DNAH14: variants seen among roughly 807,000 people sequenced by gnomAD.
DNAH14 encodes the protein dynein axonemal heavy chain 14.
Under a neutral mutation model 520.9 loss-of-function variants are expected in DNAH14, and 478 were observed. The ratio of observed to expected loss-of-function variants is 0.92; its 90% CI spans 0.85 to 0.99. DNAH14 has a LOEUF of 0.99. DNAH14 is among the 50% of genes least tolerant of loss of function. The pLI is 0.00. For missense variants in DNAH14, 4,831 were observed against 5,234.5 expected (o/e 0.92, Z 2.38); for synonymous variants, 1,581 against 1,757.2 (o/e 0.90, Z 2.51).
At chr1:225,321,002 G>T (rs773055857) in intron 61 of DNAH14, among the ~76,000 whole-genome samples, 2 of 152,066 alleles carry the variant, frequency 1.3e-5, no homozygotes, top group Non-Finnish European at 2.9e-5. Context: ...TTGAGGAAAG[G>T]TTCCTTACTG....
chr1:225,270,945 A>C, intron 50 of DNAH14, 79 bp downstream of exon 50: 1 of 1,372,336 alleles, frequency 7.3e-7, no homozygotes, highest in Non-Finnish European at 9.9e-7. Context: ...TAAATCCACT[A>C]ATATTGAAAG....
At chr1:225,173,561 T>A (rs2082953142) in intron 36 of DNAH14, among the ~76,000 whole-genome samples, 1 of 152,190 alleles carries the variant, frequency 6.6e-6, no homozygotes, top group African/African-American at 2.4e-5. Flanking sequence ...CACAATGAGA[T>A]ACCATTTCAC....
At chr1:225,142,880 T>C (rs2079577858) in intron 28 of DNAH14, among the ~76,000 whole-genome samples, 1 of 152,152 alleles carries the variant, frequency 6.6e-6, no homozygotes, top group African/African-American at 2.4e-5. Flanking sequence ...GAGCTGAGAT[T>C]GTGCCACTGC....
chr1:224,979,136 G>A (rs146530364), intron 8 of DNAH14, among the ~76,000 whole-genome samples: 1 of 152,234 alleles, frequency 6.6e-6, no homozygotes, highest in East Asian at 1.9e-4. Flanking sequence ...AACACCAAAT[G>A]TTCCTTCATA....
intron 35 of DNAH14, among the ~76,000 whole-genome samples, chr1:225,160,774 A>G (rs1426763048): frequency 6.6e-6 from 1 of 151,864 alleles, no homozygotes; most frequent in Non-Finnish European, 1.5e-5. Context: ...CCTTGATTGC[A>G]TTGTCTGTTT....
In DNAH14 at chr1:225,351,631, T is replaced by G; in HGVS notation, c.11297-16T>G. On this transcript the variant is annotated splice_polypyrimidine_tract_variant and intron_variant, in intron 71 of 85. Transcript: ENST00000682510. ...GTTTATCTCTTCTAATGTGATCATC[T>G]TTCTTTTTTTATCAGGCACATTTGA... 6.5e-7 allele frequency: 1 copy of G among 1,527,650 alleles called. No individual in the cohort carries two copies. Among genetic ancestry groups the G allele is most frequent in the Non-Finnish European group, 8.8e-7 (1 of 1,132,546 alleles). 94.6% of individuals were successfully genotyped at this position (1,527,650 alleles called of 1,614,324 possible).
At chr1:225,249,102 GA>G (rs1253409823) in intron 43 of DNAH14, among the ~76,000 whole-genome samples, 1 of 152,170 alleles carries the variant, frequency 6.6e-6, no homozygotes, top group African/African-American at 2.4e-5. Flanking sequence ...GCCCCTCGTA[GA>G]GCCAATCCTC....
chr1:225,214,049 A>G (rs1359301405), intron 41 of DNAH14, among the ~76,000 whole-genome samples: 10 of 152,188 alleles, frequency 6.6e-5, no homozygotes, highest in Admixed American at 2.6e-4. Flanking sequence ...TGGGTTTGTC[A>G]TAAATAACTC....
intron 42 of DNAH14, among the ~76,000 whole-genome samples, chr1:225,239,347 G>T (rs541309025): frequency 2.0e-5 from 3 of 152,098 alleles, no homozygotes; most frequent in African/African-American, 7.2e-5. Context: ...TGATCTGTGG[G>T]TTGCAAAGAT....
chr1:224,978,675 C>T (rs779123488), intron 8 of DNAH14, among the ~76,000 whole-genome samples: 1 of 152,202 alleles, frequency 6.6e-6, no homozygotes, highest in African/African-American at 2.4e-5. Context: ...GAGTCTCACT[C>T]TTGCCCAGGC....
At chr1:225,381,849 G>T (rs545819949) in intron 81 of DNAH14, among the ~76,000 whole-genome samples, 1 of 152,270 alleles carries the variant, frequency 6.6e-6, no homozygotes, top group South Asian at 2.1e-4. Flanking sequence ...TGCACTCTTG[G>T]TATTACTATA....
At chr1:225,137,336 ATGT>A (rs374305176) in intron 27 of DNAH14, among the ~76,000 whole-genome samples, 29 of 150,334 alleles carry the variant, frequency 1.9e-4, no homozygotes, top group African/African-American at 6.1e-4. Context: ...TTTTTTGTTG[ATGT>A]TGTTGTTGTT....
At chr1:225,292,735 G>T (rs1006067510) in intron 55 of DNAH14, among the ~76,000 whole-genome samples, 1 of 152,030 alleles carries the variant, frequency 6.6e-6, no homozygotes, top group Non-Finnish European at 1.5e-5. Context: ...ATGAACATGG[G>T]ATGTCTTTCC....
At chr1:225,202,552 A>G (rs1333294340) in intron 38 of DNAH14, among the ~76,000 whole-genome samples, 1 of 152,120 alleles carries the variant, frequency 6.6e-6, no homozygotes, top group Non-Finnish European at 1.5e-5. Context: ...TCCCCGCAAT[A>G]GCACCGGGTC....
intron 64 of DNAH14, among the ~76,000 whole-genome samples, chr1:225,326,111 C>T (rs1200955200): frequency 6.6e-6 from 1 of 152,168 alleles, no homozygotes; most frequent in South Asian, 2.1e-4. Context: ...TTAGCACTTA[C>T]TGTGTTCCAA....
At chr1:225,211,545 G>A (rs948135796) in intron 41 of DNAH14, among the ~76,000 whole-genome samples, 10 of 152,136 alleles carry the variant, frequency 6.6e-5, no homozygotes, top group African/African-American at 2.2e-4. Flanking sequence ...TGAAAGTGGT[G>A]GGGAGAATAG....
rs1208544141 is a variant in DNAH14 at position 225,270,883 on chromosome 1, AT to A, written c.7671+21del. On this transcript the variant is annotated intron_variant, in intron 50 of 85. Transcript: ENST00000682510. Reference sequence around the variant, plus strand: ...ATTTTCCAGGTAACACATCTAGTTCATTTTCTACTGAAAAAAATTAATTCCC... The same window carrying A: ...ATTTTCCAGGTAACACATCTAGTTCATTTCTACTGAAAAAAATTAATTCCC... The A allele has an allele frequency of 6.5e-7, 1 of 1,541,942 alleles. No individual in the cohort carries two copies. The highest frequency in any genetic ancestry group is 8.8e-7 in the Non-Finnish European group (1 of 1,141,422).
intron 17 of DNAH14, among the ~76,000 whole-genome samples, chr1:225,076,656 T>G (rs1337866959): frequency 6.6e-6 from 1 of 152,180 alleles, no homozygotes; most frequent in African/African-American, 2.4e-5. Context: ...TCCAGAAGGT[T>G]GTTTCTGAGC....
chr1:225,207,866 G>A (rs534047198), intron 41 of DNAH14, among the ~76,000 whole-genome samples: 2 of 152,208 alleles, frequency 1.3e-5, no homozygotes, highest in South Asian at 2.1e-4. Flanking sequence ...AACCCTGGAC[G>A]CCATGAATAG....
Sources: gnomAD v4.1 joint callset for allele counts (sites outside exome capture counted in the v4.1 genomes callset) on GRCh38, gnomAD v4.1.1 for gene constraint, MANE v1.5 for transcripts, NCBI Gene and HGNC (gene_info 2026-07-23, HGNC 2026-07-21) for gene names.